LINGO2: variants seen among roughly 807,000 people sequenced by gnomAD.
LINGO2 encodes the protein leucine rich repeat and Ig domain containing 2, also known as leucine-rich repeat and immunoglobulin-like domain-containing nogo receptor-interacting protein 2.
LINGO2 carries 14 observed loss-of-function variants against 30.6 expected under a neutral mutation model. The ratio of observed to expected loss-of-function variants is 0.46; its 90% CI spans 0.30 to 0.72. LINGO2 has a LOEUF of 0.72. Ranked by LOEUF, LINGO2 falls within the 30% of genes least tolerant of loss-of-function variation. The pLI, the probability that LINGO2 is intolerant of heterozygous loss-of-function variation, is 0.07. For synonymous variants in LINGO2, 317 were observed against 288.5 expected, an observed-to-expected ratio of 1.10 and a Z score of -1.00; for missense variants, 729 against 751.7, an observed-to-expected ratio of 0.97 and a Z score of 0.35.
chr9:28,038,692 CAA>C (rs35216202), intron 4 of LINGO2, among the ~76,000 whole-genome samples: 2,616 of 118,814 alleles, frequency 0.022, 87 homozygotes, highest in African/African-American at 0.075. Context: ...GACTCCGTCT[CAA>C]AAAAAAAAAA....
intron 1 of LINGO2, among the ~76,000 whole-genome samples, chr9:28,571,278 A>T (rs978412794): frequency 5.9e-5 from 9 of 152,222 alleles, no homozygotes; most frequent in Middle Eastern, 6.8e-3. Flanking sequence ...GATAGAAAAT[A>T]AAAGTATAAG....
chr9:28,716,703 G>A, the LINGO2 span, among the ~76,000 whole-genome samples: 1 of 152,084 alleles, frequency 6.6e-6, no homozygotes, highest in Non-Finnish European at 1.5e-5. Flanking sequence ...AAGACAGAAA[G>A]ATAGATAGGT....
intron 4 of LINGO2, among the ~76,000 whole-genome samples, chr9:28,046,957 C>T (rs1244035747): frequency 1.3e-5 from 2 of 152,092 alleles, no homozygotes; most frequent in East Asian, 1.9e-4. Flanking sequence ...AGTTGTAGCA[C>T]AGTGAGATGG....
intron 2 of LINGO2, among the ~76,000 whole-genome samples, chr9:28,396,147 G>T (rs894373596): frequency 6.6e-5 from 10 of 152,210 alleles, no homozygotes; most frequent in Admixed American, 1.3e-4. Context: ...GAAGATTGAT[G>T]ATTTATTTAA....
At chr9:28,665,540 C>T (rs2136025510) in intron 1 of LINGO2, among the ~76,000 whole-genome samples, 1 of 152,132 alleles carries the variant, frequency 6.6e-6, no homozygotes, top group East Asian at 1.9e-4. Context: ...AATGGAGAAA[C>T]TTCATAAAGG....
At chr9:29,092,683 GA>G in the LINGO2 span, among the ~76,000 whole-genome samples, 5 of 131,242 alleles carry the variant, frequency 3.8e-5, 1 homozygote, top group Admixed American at 8.0e-5. Flanking sequence ...TCTTAACAAA[GA>G]CTGCCAACAG....
intron 4 of LINGO2, among the ~76,000 whole-genome samples, chr9:28,158,432 G>A (rs1216230365): frequency 6.6e-6 from 1 of 152,152 alleles, no homozygotes; most frequent in Non-Finnish European, 1.5e-5. Context: ...CTAAAGGAAG[G>A]TCAGAGAAAG....
the LINGO2 span, among the ~76,000 whole-genome samples, chr9:29,151,241 T>C: frequency 6.6e-6 from 1 of 152,182 alleles, no homozygotes; most frequent in Non-Finnish European, 1.5e-5. Context: ...AGATTGGCCT[T>C]ATAAAAGGTC....
the LINGO2 span, among the ~76,000 whole-genome samples, chr9:28,852,649 C>T: frequency 6.6e-6 from 1 of 151,998 alleles, no homozygotes. Flanking sequence ...TGTACTGATG[C>T]TGCTAATGTG....
At chr9:28,143,968 A>C (rs761721309) in intron 4 of LINGO2, among the ~76,000 whole-genome samples, 8 of 152,212 alleles carry the variant, frequency 5.3e-5, no homozygotes, top group Non-Finnish European at 8.8e-5. Flanking sequence ...ACTTAGAAGC[A>C]TAAACTACTT....
intron 5 of LINGO2, among the ~76,000 whole-genome samples, chr9:27,992,870 G>C (rs1251879312): frequency 6.6e-6 from 1 of 152,034 alleles, no homozygotes; most frequent in Non-Finnish European, 1.5e-5. Context: ...AGACACAAAA[G>C]GATACTGACA....
intron 1 of LINGO2, among the ~76,000 whole-genome samples, chr9:28,627,639 T>C (rs1238746814): frequency 2.6e-5 from 4 of 152,120 alleles, no homozygotes; most frequent in Non-Finnish European, 5.9e-5. Context: ...GTCATATATT[T>C]TGACAAGTTT....
the LINGO2 span, among the ~76,000 whole-genome samples, chr9:28,872,527 T>C: frequency 5.3e-5 from 8 of 152,138 alleles, no homozygotes; most frequent in Non-Finnish European, 7.4e-5. Context: ...TTCACTCTGT[T>C]ACAATTTCTG....
chr9:28,001,332 G>A (rs1421602418), intron 5 of LINGO2, among the ~76,000 whole-genome samples: 2 of 152,154 alleles, frequency 1.3e-5, no homozygotes, highest in African/African-American at 4.8e-5. Context: ...TTCCTGAATA[G>A]CAACTGATGT....
intron 3 of LINGO2, among the ~76,000 whole-genome samples, chr9:28,330,424 CT>C (rs1825378809): frequency 6.6e-6 from 1 of 152,084 alleles, no homozygotes; most frequent in Admixed American, 6.6e-5. Context: ...ACAAGTTTTC[CT>C]CATTATTAAC....
At chr9:28,916,949 T>C in the LINGO2 span, among the ~76,000 whole-genome samples, 1 of 152,206 alleles carries the variant, frequency 6.6e-6, no homozygotes, top group Non-Finnish European at 1.5e-5. Context: ...GGGAAAGTGC[T>C]CTTCTCAATA....
intron 1 of LINGO2, among the ~76,000 whole-genome samples, chr9:28,575,445 G>A (rs548864075): frequency 3.3e-5 from 5 of 151,286 alleles, no homozygotes; most frequent in African/African-American, 7.3e-5. Context: ...AAAAAACCAC[G>A]TTTTCACTCA....
intron 1 of LINGO2, among the ~76,000 whole-genome samples, chr9:28,573,338 A>T (rs1823797925): frequency 1.3e-5 from 2 of 152,164 alleles, no homozygotes; most frequent in African/African-American, 2.4e-5. Context: ...CTTTACATGT[A>T]TACACTAATT....
the LINGO2 span, among the ~76,000 whole-genome samples, chr9:28,830,312 A>T: frequency 6.6e-6 from 1 of 152,124 alleles, no homozygotes; most frequent in African/African-American, 2.4e-5. Context: ...ACAGCCCTGG[A>T]TGAGTGGGGT....
Sources: allele counts gnomAD v4.1 joint callset (sites outside exome capture counted in the v4.1 genomes callset), GRCh38; gene constraint gnomAD v4.1.1; transcripts MANE v1.5; gene names NCBI Gene and HGNC (gene_info 2026-07-23, HGNC 2026-07-21).